The following RASAL2 variants were observed in gnomAD, a reference collection of about 807,000 sequenced individuals.
RASAL2 encodes ras GTPase-activating protein nGAP.
A neutral mutation model predicts 128.9 loss-of-function variants in RASAL2; 58 were observed. The ratio of observed to expected loss-of-function variants is 0.45; its 90% confidence interval spans 0.36 to 0.56. RASAL2 has a LOEUF of 0.56. Among genes scored for constraint, RASAL2 ranks in the 20% least tolerant of loss-of-function variants. RASAL2 has a pLI of 0.00. For missense variants in RASAL2, 1,360 were observed against 1,601.6 expected, an observed-to-expected ratio of 0.85 and a Z score of 2.57; for synonymous variants, 561 against 580.8, an observed-to-expected ratio of 0.97 and a Z score of 0.49.
intron 3 of RASAL2, among the ~76,000 whole-genome samples, chr1:178,338,113 A>T (rs1479091151): frequency 6.6e-6 from 1 of 150,924 alleles, no homozygotes; most frequent in Non-Finnish European, 1.5e-5. Flanking sequence ...TGGTTTCAGA[A>T]TTTTTTTTTA....
At chr1:178,242,523 G>A (rs1664563084) in intron 1 of RASAL2, among the ~76,000 whole-genome samples, 1 of 141,830 alleles carries the variant, frequency 7.1e-6, no homozygotes, top group Non-Finnish European at 1.5e-5. Flanking sequence ...CCACTCCTGG[G>A]CTCAAGCAGT....
intron 3 of RASAL2, among the ~76,000 whole-genome samples, chr1:178,302,782 C>T (rs1472058546): frequency 6.6e-6 from 1 of 152,136 alleles, no homozygotes; most frequent in Admixed American, 6.5e-5. Flanking sequence ...TGGTTCACGC[C>T]TATAATCCCA....
At chr1:178,293,227 G>C (rs1341247384) in intron 2 of RASAL2, among the ~76,000 whole-genome samples, 1 of 152,044 alleles carries the variant, frequency 6.6e-6, no homozygotes, top group Non-Finnish European at 1.5e-5. Flanking sequence ...AGTGACATTT[G>C]ATAAATAACA....
intron 3 of RASAL2, among the ~76,000 whole-genome samples, chr1:178,341,854 G>A (rs762775402): frequency 3.9e-5 from 6 of 152,126 alleles, no homozygotes; most frequent in Non-Finnish European, 7.3e-5. Context: ...AAAGAATAAT[G>A]ACCATAGCAA....
chr1:178,381,401 A>G (rs1034613892), intron 3 of RASAL2, among the ~76,000 whole-genome samples: 1 of 152,168 alleles, frequency 6.6e-6, no homozygotes, highest in African/African-American at 2.4e-5. Context: ...CATTTCGAAG[A>G]GATACTTAGC....
chr1:178,302,763 C>T (rs751287633), intron 3 of RASAL2, among the ~76,000 whole-genome samples: 5 of 152,040 alleles, frequency 3.3e-5, no homozygotes, highest in Non-Finnish European at 5.9e-5. Flanking sequence ...TATAATAGGC[C>T]GGGCGCAGTG....
At chr1:178,453,663 T>C (rs1385212688) in intron 11 of RASAL2, among the ~76,000 whole-genome samples, 2 of 152,132 alleles carry the variant, frequency 1.3e-5, no homozygotes, top group East Asian at 1.9e-4. Flanking sequence ...CAAACTTTTT[T>C]CAGTAAGTTT....
Position 178,118,845 on chromosome 1 carries a change from C to A in RASAL2, c.202+24151C>A, listed in dbSNP as rs1271935248. 2.4e-5 allele frequency among the ~76,000 whole-genome samples: 3 copies of A among 125,956 alleles called. No homozygotes were observed. The East Asian group carries it at 6.9e-4, about 29-fold the overall frequency. The allele number at this position is 125,956 out of a possible 152,430, so 82.6% of individuals were successfully genotyped here. On this transcript the variant is annotated intron_variant, in intron 1 of 17. Coordinates refer to ENST00000367649, the MANE Select transcript of RASAL2 (RefSeq NM_170692.4). ...TGTTGAGCAGGTTGAATATGTCACACAATTGAGCAGGTTTTTTTTTTTTTG... is the reference window on the plus strand; with the variant it reads ...TGTTGAGCAGGTTGAATATGTCACAAAATTGAGCAGGTTTTTTTTTTTTTG...
At position 178,472,133 on chromosome 1, in the gene RASAL2, T is replaced by G. The variant is rs554629912; in HGVS notation, c.3679-942T>G. On this transcript the variant is annotated intron_variant, in intron 17 of 17. Coordinates refer to ENST00000367649, the MANE Select transcript of RASAL2 (RefSeq NM_170692.4). ...GCTGAAGCTAAGATTAGGGTATCTC[T>G]TCTAACCTAATCCTTAGGAGACTGA... 2.6e-5 allele frequency among the ~76,000 whole-genome samples: 4 copies of G among 152,344 alleles called. No individual in the cohort carries two copies. In the East Asian group the frequency reaches 5.8e-4, roughly 22 times the overall value.
chr1:178,444,447 T>C (rs1054002515), intron 8 of RASAL2, among the ~76,000 whole-genome samples: 1 of 152,144 alleles, frequency 6.6e-6, no homozygotes, highest in African/African-American at 2.4e-5. Flanking sequence ...GTAAGTCCCA[T>C]TGATGTTTAA....
intron 1 of RASAL2, among the ~76,000 whole-genome samples, chr1:178,234,455 T>G (rs1664143259): frequency 6.6e-6 from 1 of 152,148 alleles, no homozygotes; most frequent in African/African-American, 2.4e-5. Flanking sequence ...AAATAGAAAT[T>G]TGTGTTTGAT....
chr1:178,467,902 C>G (rs969033088), intron 17 of RASAL2, among the ~76,000 whole-genome samples: 1 of 152,130 alleles, frequency 6.6e-6, no homozygotes, highest in South Asian at 2.1e-4. Context: ...CCTTGTTGTT[C>G]TTTTGGTTTA....
At chr1:178,337,158 A>G (rs1669626337) in intron 3 of RASAL2, among the ~76,000 whole-genome samples, 1 of 152,122 alleles carries the variant, frequency 6.6e-6, no homozygotes, top group African/African-American at 2.4e-5. Flanking sequence ...CAGAAGTTCT[A>G]AAAATATTTT....
chr1:178,411,971 G>A, intron 4 of RASAL2: 1 of 580,078 alleles, frequency 1.7e-6, no homozygotes. Flanking sequence ...ATCCCCTCTT[G>A]ACGGCACCCA....
At chr1:178,151,652 A>G (rs772746435) in intron 1 of RASAL2, among the ~76,000 whole-genome samples, 3 of 152,222 alleles carry the variant, frequency 2.0e-5, no homozygotes, top group African/African-American at 4.8e-5. Flanking sequence ...ATGGCCTCCA[A>G]TGATCCAAGG....
chr1:178,157,949 TA>T (rs1167658340), intron 1 of RASAL2, among the ~76,000 whole-genome samples: 2 of 151,934 alleles, frequency 1.3e-5, no homozygotes, highest in Non-Finnish European at 1.5e-5. Context: ...AAATGACATT[TA>T]AAAAAAACAC....
chr1:178,192,753 T>C (rs985391757), intron 1 of RASAL2, among the ~76,000 whole-genome samples: 23 of 152,316 alleles, frequency 1.5e-4, no homozygotes, highest in African/African-American at 5.1e-4. Context: ...GGCAAATGAA[T>C]ATATTTCTTT....
intron 1 of RASAL2, among the ~76,000 whole-genome samples, chr1:178,196,825 T>C (rs1353082341): frequency 6.6e-6 from 1 of 152,100 alleles, no homozygotes; most frequent in East Asian, 1.9e-4. Flanking sequence ...CAACAAAAGG[T>C]GTTCAACTTT....
chr1:178,098,137 A>G (rs1485883454), intron 1 of RASAL2, among the ~76,000 whole-genome samples: 2 of 152,206 alleles, frequency 1.3e-5, no homozygotes, highest in Non-Finnish European at 2.9e-5. Context: ...TTTTGATATC[A>G]GGGAGCCTTG....
Sources: gnomAD v4.1 joint callset for allele counts (sites outside exome capture counted in the v4.1 genomes callset) on GRCh38, gnomAD v4.1.1 for gene constraint, MANE v1.5 for transcripts, NCBI Gene and HGNC (gene_info 2026-07-23, HGNC 2026-07-21) for gene names.